Variants in EPC2 observed in about 807,000 individuals in gnomAD.
EPC2 encodes enhancer of polycomb 2, also known as enhancer of polycomb homolog 2.
A neutral mutation model predicts 92.1 loss-of-function variants in EPC2; 14 were observed. That is an observed-to-expected ratio of 0.15 (90% confidence interval 0.10 to 0.24). The LOEUF (loss-of-function observed/expected upper bound fraction) is 0.24, where lower values mean the gene tolerates loss of function less well. EPC2 is among the 10% of genes least tolerant of loss of function. EPC2 has a pLI of 1.00. For missense variants in EPC2, 755 were observed against 971.5 expected, an observed-to-expected ratio of 0.78 and a Z score of 2.96; for synonymous variants, 340 against 334.7, an observed-to-expected ratio of 1.02 and a Z score of -0.17.
At chr2:148,779,493 GGATTGCTTGAACCC>G (rs1296992516) in intron 10 of EPC2, among the ~76,000 whole-genome samples, 1 of 152,120 alleles carries the variant, frequency 6.6e-6, no homozygotes, top group Non-Finnish European at 1.5e-5. Flanking sequence ...TGAGGCGGGA[GGATTGCTTGAACCC>G]AGGAGTTCAA....
rs189542915 is a variant in EPC2, at chr2:148,769,418, C to T, written c.1230+178C>T. Among the ~76,000 whole-genome samples, 159 of 152,242 alleles carry T rather than the reference C, an allele frequency of 1.0e-3. 1 individual carries two copies. The highest frequency in any genetic ancestry group is 3.5e-3 in the African/African-American group (146 of 41,532). On this transcript the variant is annotated intron_variant, in intron 8 of 13. Coordinates refer to ENST00000258484, the MANE Select transcript of EPC2 (RefSeq NM_015630.4). ...GGTACTGAGTCCTTTCAAAGGGCGT[C>T]GGAATCCTCTTCTTGGAAATTGATA... is the stretch of plus-strand genomic sequence containing the variant.
At chr2:148,696,749 A>G (rs1053158367) in intron 2 of EPC2, among the ~76,000 whole-genome samples, 1 of 152,184 alleles carries the variant, frequency 6.6e-6, no homozygotes, top group African/African-American at 2.4e-5. Flanking sequence ...CTAGCAACTA[A>G]TATCTCCATA....
chr2:148,712,538 G>A (rs765688434), intron 2 of EPC2, among the ~76,000 whole-genome samples: 2 of 152,176 alleles, frequency 1.3e-5, no homozygotes, highest in Non-Finnish European at 2.9e-5. Context: ...GAATGTTGTA[G>A]AACAGTGCAT....
intron 2 of EPC2, among the ~76,000 whole-genome samples, chr2:148,727,661 T>C (rs1043871291): frequency 6.6e-6 from 1 of 152,222 alleles, no homozygotes; most frequent in Non-Finnish European, 1.5e-5. Flanking sequence ...AATAAAACTT[T>C]TTGCCTTCAT....
At position 148,776,350 on chromosome 2, in the gene EPC2, G is replaced by A. The variant is rs551870655; in HGVS notation, c.1720+4963G>A. On this transcript the variant is annotated intron_variant, in intron 10 of 13. Transcript: ENST00000258484. ...ATGAAATTTCAATTGTAAATATTTG[G>A]CTTGGGTTTCAGAAGTTTAAATGGA... Among the ~76,000 whole-genome samples, 5 of 152,196 alleles carry A rather than the reference G, an allele frequency of 3.3e-5. No individual in the cohort carries two copies. The East Asian group carries it at 9.7e-4, about 29-fold the overall frequency.
In EPC2 at chr2:148,781,729, G is replaced by A; in HGVS notation, c.1806G>A (p.Gln602=). 6.2e-7 allele frequency: 1 copy of A among 1,613,984 alleles called. No individual in the cohort carries two copies. Among genetic ancestry groups the A allele is most frequent in the South Asian group, 1.1e-5 (1 of 91,084 alleles). Residue 602 remains glutamine (Q), a synonymous_variant, in exon 11 of 14, where the codon CAG becomes CAA. Coordinates refer to ENST00000258484, the MANE Select transcript of EPC2 (RefSeq NM_015630.4). ...AAAGGCAGCAACTTGCCCAGCTTCA[G>A]CAGAAACAGCAATCTCAGCATTCCT... ...QMQRQQLAQL[Q]QKQQSQHSSQ...
At position 148,738,913 on chromosome 2, in the gene EPC2, C is replaced by T. The variant is rs73020855; in HGVS notation, c.314-4709C>T. On this transcript the variant is annotated intron_variant, in intron 2 of 13. Transcript: ENST00000258484. ...TGAATTAGACAAACATACTCTAATGCTGGTTGGTCACTGAGAGAGCAGGTC... is the reference window on the plus strand; with the variant it reads ...TGAATTAGACAAACATACTCTAATGTTGGTTGGTCACTGAGAGAGCAGGTC... Among the ~76,000 whole-genome samples the T allele has an allele frequency of 2.9e-3, 438 of 152,272 alleles. 3 individuals are homozygous for T. Among genetic ancestry groups the T allele is most frequent in the African/African-American group, 9.5e-3 (394 of 41,562 alleles).
At chr2:148,645,356 C>A (rs1683773765) in intron 1 of EPC2, 186 bp downstream of exon 1, 2 of 562,280 alleles carry the variant, frequency 3.6e-6, no homozygotes, top group Admixed American at 6.7e-5. Context: ...CCCGCGGCCG[C>A]CATGTTGTTG....
chr2:148,746,048 A>AT (rs1017692161), intron 3 of EPC2, among the ~76,000 whole-genome samples: 11 of 151,802 alleles, frequency 7.2e-5, no homozygotes, highest in African/African-American at 2.4e-5. Context: ...CTCTGGTTTT[A>AT]TTGTTTCTCA....
At chr2:148,784,546 G>A (rs1386264639) in intron 12 of EPC2, 122 bp from the exon 13 acceptor site, 6 of 718,760 alleles carry the variant, frequency 8.3e-6, no homozygotes, top group Middle Eastern at 3.3e-4. Flanking sequence ...AGAGACCAGT[G>A]TGTGAAAAGT....
chr2:148,723,604 T>G (rs1682426458), intron 2 of EPC2, among the ~76,000 whole-genome samples: 1 of 152,212 alleles, frequency 6.6e-6, no homozygotes, highest in African/African-American at 2.4e-5. Context: ...ATTTTCAGTT[T>G]GTTCAGCCTT....
chr2:148,709,608 A>G (rs1682087331), intron 2 of EPC2, among the ~76,000 whole-genome samples: 1 of 152,236 alleles, frequency 6.6e-6, no homozygotes, highest in Admixed American at 6.5e-5. Flanking sequence ...CTACAAGTCT[A>G]CAGTAACCAA....
intron 10 of EPC2, among the ~76,000 whole-genome samples, chr2:148,775,857 A>G (rs1225207285): frequency 5.0e-5 from 7 of 138,976 alleles, no homozygotes; most frequent in Non-Finnish European, 1.5e-5. Context: ...GGCTCACTGC[A>G]AGCTCTGCCT....
chr2:148,765,908 C>T (rs112887997), intron 7 of EPC2, among the ~76,000 whole-genome samples: 1,534 of 152,174 alleles, frequency 0.01, 26 homozygotes, highest in African/African-American at 0.034. Context: ...TGGTGGCGGG[C>T]GCCTGTAGTC....
intron 1 of EPC2, among the ~76,000 whole-genome samples, chr2:148,684,429 A>G (rs749072797): frequency 1.3e-5 from 2 of 152,196 alleles, no homozygotes; most frequent in Non-Finnish European, 2.9e-5. Flanking sequence ...GCCTAAGCCA[A>G]TGTGTAGAAG....
chr2:148,701,428 C>T (rs949788378), intron 2 of EPC2, among the ~76,000 whole-genome samples: 1 of 152,140 alleles, frequency 6.6e-6, no homozygotes, highest in Non-Finnish European at 1.5e-5. Context: ...TGAAGAAATT[C>T]TCCTCTATTC....
intron 2 of EPC2, among the ~76,000 whole-genome samples, chr2:148,730,552 C>G (rs983392355): frequency 1.3e-5 from 2 of 152,134 alleles, no homozygotes; most frequent in Non-Finnish European, 2.9e-5. Context: ...TCTACTGGAT[C>G]AGAAACTGAT....
chr2:148,756,961 T>C (rs1233678822), intron 4 of EPC2, among the ~76,000 whole-genome samples: 1 of 151,962 alleles, frequency 6.6e-6, no homozygotes, highest in Non-Finnish European at 1.5e-5. Context: ...GAGAAAGGAG[T>C]TGGCCCTGAG....
intron 2 of EPC2, among the ~76,000 whole-genome samples, chr2:148,700,476 ACTCCCCCC>A (rs1298523629): frequency 2.2e-5 from 3 of 134,532 alleles, no homozygotes; most frequent in Admixed American, 1.5e-4. Flanking sequence ...TGTTGGAAAG[ACTCCCCCC>A]CTCCCCCCCG....
Sources: allele counts gnomAD v4.1 joint callset (sites outside exome capture counted in the v4.1 genomes callset), GRCh38; gene constraint gnomAD v4.1.1; transcripts MANE v1.5; gene names NCBI Gene and HGNC (gene_info 2026-07-23, HGNC 2026-07-21).